Variants in MKRN1 observed in about 807,000 individuals in gnomAD.
MKRN1 encodes the protein makorin ring finger protein 1.
Under a neutral mutation model 55.5 loss-of-function variants are expected in MKRN1, and 9 were observed. The ratio of observed to expected loss-of-function variants is 0.16; its 90% CI spans 0.10 to 0.28. MKRN1 has a LOEUF of 0.28. MKRN1 is among the 10% of genes least tolerant of loss of function. The pLI is 1.00. For missense variants in MKRN1, 488 were observed against 626.7 expected, an observed-to-expected ratio of 0.78 and a Z score of 2.36; for synonymous variants, 253 against 235.9, an observed-to-expected ratio of 1.07 and a Z score of -0.66.
intron 2 of MKRN1, chr7:140,460,246 C>CAAAA (rs58698651): frequency 7.8e-5 from 6 of 77,266 alleles, no homozygotes; most frequent in African/African-American, 8.1e-5. Context: ...GACTCCGTCT[C>CAAAA]AAAAAAAAAA....
intron 1 of MKRN1, chr7:140,478,541 G>C (rs1795189974): frequency 7.3e-5 from 11 of 151,278 alleles, no homozygotes; most frequent in Admixed American, 7.2e-4. Context: ...CTAAGACAAA[G>C]CTCAGCACCG....
intron 5 of MKRN1, 77 bp from the exon 6 acceptor site, chr7:140,455,977 C>G: frequency 1.5e-6 from 2 of 1,314,586 alleles, no homozygotes; most frequent in Admixed American, 1.8e-5. Flanking sequence ...CCTGGTGTGT[C>G]GCCTCCAGAC....
chr7:140,454,830 A>G, intron 7 of MKRN1, 101 bp from the exon 8 acceptor site: 1 of 1,252,960 alleles, frequency 8.0e-7, no homozygotes, highest in Non-Finnish European at 1.1e-6. Context: ...GGGCATGACG[A>G]ACCAGACTTC....
Position 140,479,485 on chromosome 7 carries a change from G to T in MKRN1, c.-141C>A. ...CCCGTTCGGTCCCCGCCTGCTACGCGTCGCGTATCTGAGCGCTCTCGCCAC... is the reference window on the plus strand; with the variant it reads ...CCCGTTCGGTCCCCGCCTGCTACGCTTCGCGTATCTGAGCGCTCTCGCCAC... On this transcript the variant is annotated 5_prime_UTR_variant, in exon 1 of 8. Coordinates refer to ENST00000255977, the MANE Select transcript of MKRN1 (RefSeq NM_013446.4). The T allele has an allele frequency of 1.1e-6, 1 of 896,870 alleles. No homozygotes were observed. The highest frequency in any genetic ancestry group is 1.5e-6 in the Non-Finnish European group (1 of 676,580). 55.6% of individuals were successfully genotyped at this position (896,870 alleles called of 1,614,324 possible).
chr7:140,455,708 G>A (rs1237959707), intron 6 of MKRN1, 82 bp downstream of exon 6: 5 of 1,115,734 alleles, frequency 4.5e-6, no homozygotes, highest in African/African-American at 1.5e-5. Context: ...AGGTAGGAGT[G>A]TATAATGCAG....
chr7:140,476,144 G>A (rs1180537837), intron 1 of MKRN1, among the ~76,000 whole-genome samples: 1 of 152,060 alleles, frequency 6.6e-6, no homozygotes, highest in Non-Finnish European at 1.5e-5. Context: ...GGAGAAATGA[G>A]CACAAACACT....
intron 1 of MKRN1, among the ~76,000 whole-genome samples, chr7:140,474,063 AAG>A (rs1795040648): frequency 6.9e-6 from 1 of 144,222 alleles, no homozygotes; most frequent in South Asian, 2.3e-4. Flanking sequence ...GAAAGAAAGA[AAG>A]AATAAAAGAC....
chr7:140,455,272 T>C (rs1219956781), intron 6 of MKRN1, 39 bp from the exon 7 acceptor site: 3 of 1,612,306 alleles, frequency 1.9e-6, no homozygotes, highest in Admixed American at 1.7e-5. Context: ...TCACAGTGGA[T>C]TTCAGGTCTG....
intron 4 of MKRN1, among the ~76,000 whole-genome samples, chr7:140,457,142 AAACCTGGAGCTC>A (rs1404724864): frequency 6.6e-6 from 1 of 152,110 alleles, no homozygotes; most frequent in Non-Finnish European, 1.5e-5. Flanking sequence ...TCTCTACCCC[AAACCTGGAGCTC>A]AACTACATTA....
At chr7:140,475,077 C>T in intron 1 of MKRN1, 1 of 279,512 alleles carries the variant, frequency 3.6e-6, no homozygotes, top group Non-Finnish European at 7.1e-6. Flanking sequence ...TACGGGGGCT[C>T]ATGCCTGTAA....
At chr7:140,461,076 AACTG>A (rs1295331569) in intron 2 of MKRN1, among the ~76,000 whole-genome samples, 2 of 152,244 alleles carry the variant, frequency 1.3e-5, no homozygotes, top group African/African-American at 4.8e-5. Flanking sequence ...CTGCAGGCAA[AACTG>A]ACTGATTTCA....
chr7:140,458,905 T>C (rs1176812809), intron 4 of MKRN1, 102 bp downstream of exon 4: 2 of 1,253,046 alleles, frequency 1.6e-6, no homozygotes, highest in Non-Finnish European at 2.3e-6. Flanking sequence ...CTGATAACCA[T>C]TCAATTCATC....
intron 6 of MKRN1, 40 bp from the exon 7 acceptor site, chr7:140,455,273 T>C (rs1285286993): frequency 6.2e-7 from 1 of 1,612,056 alleles, no homozygotes. Flanking sequence ...CACAGTGGAT[T>C]TCAGGTCTGT....
chr7:140,477,728 GA>G (rs1312212379), intron 1 of MKRN1, among the ~76,000 whole-genome samples: 1 of 152,202 alleles, frequency 6.6e-6, no homozygotes, highest in Admixed American at 6.5e-5. Flanking sequence ...AAAATGCTGG[GA>G]TTACAGGCGT....
At chr7:140,456,420 A>C in intron 5 of MKRN1, 1 of 1,368,434 alleles carries the variant, frequency 7.3e-7, no homozygotes, top group Non-Finnish European at 9.4e-7. Context: ...TCCTCAGAAA[A>C]AGCACGAAGA....
rs1794413768 is a variant in MKRN1, at chr7:140,454,570, C to T, written c.1396G>A (p.Glu466Lys). 1.2e-6 allele frequency: 2 copies of T among 1,613,378 alleles called. No individual in the cohort carries two copies. Among genetic ancestry groups the T allele is most frequent in the South Asian group, 2.2e-5 (2 of 91,056 alleles). The change falls in exon 8 of 8, where the codon GAG becomes AAG. Residue 466 changes from glutamate to lysine, a missense_variant. By Grantham distance (56) the Glu-to-Lys change is moderately conservative (BLOSUM62 1). Around this residue, in one of 2 missense-constraint regions of MKRN1, gnomAD observed 278 missense variants for 406.7 expected, o/e 0.68. Transcript: ENST00000255977. ...GDDELTDSED[E>K]WDLFHDELED... ...AGCTCATCATGAAACAAGTCCCACT[C>T]ATCTTCAGAGTCTGTTAGTTCGTCG...
chr7:140,455,074 T>TA (rs748462683), intron 7 of MKRN1, 21 bp downstream of exon 7: 10 of 1,612,096 alleles, frequency 6.2e-6, no homozygotes, highest in Non-Finnish European at 7.6e-6. Flanking sequence ...TCCCCTCCTT[T>TA]AAAAAAACAG....
rs548821157 is a variant in MKRN1 at position 140,454,507 on chromosome 7, C to T, written c.*10G>A. The stretch of plus-strand genomic sequence containing the variant: ...GGTCAGCAGACCAGTTCACACGCCA[C>T]GCAAGGTTGCTATAGATCCAAGTCA... On this transcript the variant is annotated 3_prime_UTR_variant, in exon 8 of 8. Transcript: ENST00000255977. 2.7e-5 allele frequency: 43 copies of T among 1,609,250 alleles called. No homozygotes were observed. The Admixed American group carries it at 3.9e-4, about 14-fold the overall frequency.
intron 1 of MKRN1, chr7:140,478,022 G>A (rs1298610459): frequency 2.6e-5 from 4 of 152,170 alleles, no homozygotes; most frequent in African/African-American, 7.2e-5. Flanking sequence ...TCATATCAAA[G>A]GCTGAGAGAC....
Sources: gnomAD v4.1 joint callset for allele counts (sites outside exome capture counted in the v4.1 genomes callset) on GRCh38, gnomAD v4.1.1 for gene constraint, gnomAD v4.1.1 regional missense constraint, MANE v1.5 for transcripts, NCBI Gene and HGNC (gene_info 2026-07-23, HGNC 2026-07-21) for gene names.